The following MARCHF1 variants were observed in gnomAD, a reference collection of about 807,000 sequenced individuals.
MARCHF1 encodes membrane associated ring-CH-type finger 1.
In MARCHF1, 40 loss-of-function variants were observed where a neutral mutation model predicts 54.2. That is an observed-to-expected ratio of 0.74 (90% CI 0.57 to 0.96). The LOEUF (loss-of-function observed/expected upper bound fraction) is 0.96, where lower values mean the gene tolerates loss of function less well. Among genes scored for constraint, MARCHF1 ranks in the 40% least tolerant of loss-of-function variants. The pLI, the probability that MARCHF1 is intolerant of heterozygous loss-of-function variation, is 0.00. For missense variants in MARCHF1, 586 were observed against 656.5 expected (o/e 0.89, Z 1.17); for synonymous variants, 236 against 236.3 (o/e 1.00, Z 0.01).
chr4:163,833,381 C>G (rs1023907628), intron 4 of MARCHF1, among the ~76,000 whole-genome samples: 1 of 152,106 alleles, frequency 6.6e-6, no homozygotes, highest in Non-Finnish European at 1.5e-5. Context: ...TCTAATTAAA[C>G]TAAAGAGCTT....
At position 164,111,319 on chromosome 4, in the gene MARCHF1, C is replaced by T. The variant is rs534179140; in HGVS notation, c.-248+269G>A. Among the ~76,000 whole-genome samples the T allele has an allele frequency of 1.4e-4, 21 of 151,746 alleles. 1 individual carries two copies. The highest frequency in any genetic ancestry group is 4.8e-4 in the African/African-American group (20 of 41,474). Reference sequence around the variant, plus strand: ...AGCCAGCATTACTGATAGCACTGCCCTTTTACCAAATAATAAGATTCTTAT... The same window carrying T: ...AGCCAGCATTACTGATAGCACTGCCTTTTTACCAAATAATAAGATTCTTAT... On this transcript the variant is annotated intron_variant, in intron 2 of 9. Coordinates refer to ENST00000514618, the MANE Select transcript of MARCHF1 (RefSeq NM_001394959.1).
chr4:163,661,701 T>C (rs1211381783), intron 5 of MARCHF1, among the ~76,000 whole-genome samples: 1 of 151,916 alleles, frequency 6.6e-6, no homozygotes, highest in Non-Finnish European at 1.5e-5. Context: ...TTTGAAACCA[T>C]CCACATAGTC....
chr4:164,014,190 C>CA (rs70948689), intron 2 of MARCHF1, among the ~76,000 whole-genome samples: 31,026 of 112,942 alleles, frequency 0.27, 4,058 homozygotes, highest in African/African-American at 0.42. Context: ...GACTGCATCT[C>CA]AAAAAAAAAA....
chr4:164,219,748 T>C (rs996745084), intron 1 of MARCHF1, among the ~76,000 whole-genome samples: 3 of 151,970 alleles, frequency 2.0e-5, no homozygotes, highest in African/African-American at 7.2e-5. Flanking sequence ...TCGGATCAGC[T>C]CTCTTAAAAC....
chr4:164,193,515 T>A (rs375329002), intron 1 of MARCHF1, among the ~76,000 whole-genome samples: 1 of 152,190 alleles, frequency 6.6e-6, no homozygotes. Context: ...TCTTTTGGAA[T>A]AATGAGGACC....
At chr4:164,189,918 A>G in intron 1 of MARCHF1, 1 of 1,574,460 alleles carries the variant, frequency 6.4e-7, no homozygotes, top group Non-Finnish European at 8.7e-7. Context: ...AGCTGAAGAC[A>G]AGGGTACAGG....
chr4:163,618,929 G>A (rs1029666647), intron 5 of MARCHF1, among the ~76,000 whole-genome samples: 3 of 127,316 alleles, frequency 2.4e-5, no homozygotes, highest in Non-Finnish European at 5.4e-5. Context: ...TTTAATGTCA[G>A]CTTCCCAGAG....
chr4:163,911,302 C>T (rs1262914034), intron 3 of MARCHF1, among the ~76,000 whole-genome samples: 1 of 152,094 alleles, frequency 6.6e-6, no homozygotes, highest in Non-Finnish European at 1.5e-5. Context: ...TCTTCCAAGT[C>T]CTACCTCTTT....
At chr4:164,107,801 C>G (rs1465913434) in intron 2 of MARCHF1, among the ~76,000 whole-genome samples, 2 of 115,778 alleles carry the variant, frequency 1.7e-5, no homozygotes, top group African/African-American at 6.5e-5. Flanking sequence ...ATTTTACTAT[C>G]AAAATGTCGA....
At chr4:164,224,362 C>T (rs1280746710) in intron 1 of MARCHF1, among the ~76,000 whole-genome samples, 3 of 151,766 alleles carry the variant, frequency 2.0e-5, no homozygotes, top group African/African-American at 7.3e-5. Context: ...ATTGGACATC[C>T]CTGACATCAA....
At chr4:164,074,581 G>C (rs943209754) in intron 2 of MARCHF1, among the ~76,000 whole-genome samples, 7 of 151,918 alleles carry the variant, frequency 4.6e-5, no homozygotes, top group South Asian at 2.1e-4. Context: ...TCTAAAAATA[G>C]GTATTTGTTT....
chr4:164,303,672 C>T (rs557578124), intron 1 of MARCHF1, among the ~76,000 whole-genome samples: 3 of 152,170 alleles, frequency 2.0e-5, no homozygotes, highest in Admixed American at 1.3e-4. Context: ...AGTCATATAG[C>T]TCATGGGGTT....
intron 4 of MARCHF1, among the ~76,000 whole-genome samples, chr4:163,804,152 TC>T (rs2110984716): frequency 6.6e-6 from 1 of 152,312 alleles, no homozygotes; most frequent in South Asian, 2.1e-4. Flanking sequence ...CTCATAGACA[TC>T]TTCACTTGCT....
rs751501469 is a variant in MARCHF1 at position 163,538,327 on chromosome 4, AAT to A, written c.1339+7267_1339+7268del. Among the ~76,000 whole-genome samples, 438 of 56,844 alleles carry A rather than the reference AAT, an allele frequency of 7.7e-3. 3 individuals carry two copies. Among genetic ancestry groups the A allele is most frequent in the African/African-American group, 0.017 (386 of 22,468 alleles). The allele number at this position is 56,844 out of a possible 152,430, so 37.3% of individuals were successfully genotyped here. On this transcript the variant is annotated intron_variant, in intron 9 of 9. Transcript: ENST00000514618. ...CAAAAATAAAAAAGTAAAATTTATA[AAT>A]TTTTTTTTTTCACACACACACACAA...
chr4:163,526,199 T>C lies in MARCHF1; in HGVS notation c.*2549A>G, dbSNP rs1738098359. On this transcript the variant is annotated 3_prime_UTR_variant, in exon 10 of 10. Transcript: ENST00000514618. ...AATAATGCTTACCTTTGCTTTTTAT[T>C]CTAGAAATGTTTTCTTAGTGTTAAA... is the stretch of plus-strand genomic sequence containing the variant. 1 of 152,166 alleles carries C rather than the reference T, an allele frequency of 6.6e-6. No individual in the cohort carries two copies. Among genetic ancestry groups the C allele is most frequent in the Non-Finnish European group, 1.5e-5 (1 of 68,002 alleles). The allele number at this position is 152,166 out of a possible 1,614,324, so 9.4% of individuals were successfully genotyped here. A position where few individuals can be genotyped will look rare whatever the true frequency, so the allele number is the denominator to read the frequency against.
At chr4:163,676,185 C>CAAA (rs869219643) in intron 5 of MARCHF1, among the ~76,000 whole-genome samples, 60 of 89,234 alleles carry the variant, frequency 6.7e-4, no homozygotes, top group African/African-American at 2.2e-3. Context: ...ACTAAAAATA[C>CAAA]AAAAAAAAAA....
At chr4:163,922,303 T>C (rs930632069) in intron 3 of MARCHF1, among the ~76,000 whole-genome samples, 1 of 152,128 alleles carries the variant, frequency 6.6e-6, no homozygotes, top group Admixed American at 6.6e-5. Flanking sequence ...GCATGGTACA[T>C]GTATACATAT....
At chr4:163,753,989 G>A (rs1341391431) in intron 4 of MARCHF1, among the ~76,000 whole-genome samples, 1 of 152,132 alleles carries the variant, frequency 6.6e-6, no homozygotes, top group Non-Finnish European at 1.5e-5. Flanking sequence ...ATAACTAAAT[G>A]TTTCAGTTCA....
At chr4:164,107,485 C>T (rs1755732337) in intron 2 of MARCHF1, among the ~76,000 whole-genome samples, 1 of 152,086 alleles carries the variant, frequency 6.6e-6, no homozygotes, top group Non-Finnish European at 1.5e-5. Context: ...CACTCAGCAT[C>T]CCAAGCAGCT....
Sources: gnomAD v4.1 joint callset for allele counts (sites outside exome capture counted in the v4.1 genomes callset) on GRCh38, gnomAD v4.1.1 for gene constraint, MANE v1.5 for transcripts, NCBI Gene and HGNC (gene_info 2026-07-23, HGNC 2026-07-21) for gene names.